The following OPCML variants were observed in gnomAD, a reference collection of about 807,000 sequenced individuals.
The protein encoded by OPCML is opioid binding protein/cell adhesion molecule like, also known as opioid-binding protein/cell adhesion molecule.
OPCML carries 13 observed loss-of-function variants against 37.8 expected under a neutral mutation model. The ratio of observed to expected loss-of-function variants is 0.34; its 90% confidence interval spans 0.22 to 0.55. The LOEUF (loss-of-function observed/expected upper bound fraction) is 0.55, where lower values mean the gene tolerates loss of function less well. Ranked by LOEUF, OPCML falls within the 20% of genes least tolerant of loss-of-function variation. The probability of loss-of-function intolerance (pLI) is 0.91; values close to 1 mark genes in which losing one functional copy is unlikely to be tolerated. For synonymous variants in OPCML, 176 were observed against 168.8 expected, an observed-to-expected ratio of 1.04 and a Z score of -0.33; for missense variants, 341 against 435.6, an observed-to-expected ratio of 0.78 and a Z score of 1.93.
intron 1 of OPCML, among the ~76,000 whole-genome samples, chr11:133,445,385 C>T (rs1451884982): frequency 1.3e-5 from 2 of 152,212 alleles, no homozygotes; most frequent in African/African-American, 4.8e-5. Context: ...GGCAGACCTG[C>T]TCTCTGCCAC....
chr11:132,499,103 TC>T (rs2096240284), intron 4 of OPCML, among the ~76,000 whole-genome samples: 2 of 152,276 alleles, frequency 1.3e-5, no homozygotes, highest in South Asian at 4.1e-4. Context: ...TCCGGGCTAG[TC>T]AGGTGGAGAA....
At chr11:132,886,131 A>G (rs1943405758) in intron 2 of OPCML, among the ~76,000 whole-genome samples, 1 of 152,254 alleles carries the variant, frequency 6.6e-6, no homozygotes, top group African/African-American at 2.4e-5. Flanking sequence ...AATTTACATA[A>G]CTAGTCCCAT....
In OPCML at chr11:132,657,159, C is replaced by T. The variant is rs1941749357; in HGVS notation, c.307G>A (p.Glu103Lys). Residue 103 changes from glutamate (E) to lysine (K), a missense_variant, in exon 3 of 8, where the codon GAA becomes AAA. Glu to Lys is a moderately conservative substitution (Grantham distance 56, BLOSUM62 1). Coordinates refer to ENST00000524381, the MANE Select transcript of OPCML (RefSeq NM_001012393.5). ...TGCACAGAGCAGGTGTACGGACCTT[C>T]GTCATACACATCCACATTTTGGATC... Reference protein sequence around the residue: ...IMIQNVDVYDEGPYTCSVQTD... With the variant: ...IMIQNVDVYDKGPYTCSVQTD... 2.5e-6 allele frequency: 4 copies of T among 1,614,082 alleles called. No homozygotes were observed. Among genetic ancestry groups the T allele is most frequent in the African/African-American group, 1.3e-5 (1 of 74,934 alleles).
intron 2 of OPCML, among the ~76,000 whole-genome samples, chr11:132,853,303 A>C (rs2136334917): frequency 6.6e-6 from 1 of 152,320 alleles, no homozygotes; most frequent in African/African-American, 2.4e-5. Flanking sequence ...GGTGTTATTA[A>C]TAAGTTTTAT....
intron 1 of OPCML, among the ~76,000 whole-genome samples, chr11:132,952,584 A>G (rs916693793): frequency 6.6e-6 from 1 of 152,134 alleles, no homozygotes; most frequent in Non-Finnish European, 1.5e-5. Context: ...CTTTTCTATC[A>G]CAGACCACAT....
chr11:132,555,552 T>A (rs1257113044), intron 3 of OPCML, among the ~76,000 whole-genome samples: 2 of 152,054 alleles, frequency 1.3e-5, no homozygotes, highest in Non-Finnish European at 2.9e-5. Flanking sequence ...TTGGGTGGGG[T>A]CATAGCCAAA....
chr11:133,183,630 T>G (rs1336940242), intron 1 of OPCML, among the ~76,000 whole-genome samples: 1 of 152,182 alleles, frequency 6.6e-6, no homozygotes, highest in African/African-American at 2.4e-5. Context: ...TTCGAGAGTG[T>G]ATTGTATGTG....
Position 133,375,160 on chromosome 11 carries a change from A to G in OPCML, c.61+157104T>C, listed in dbSNP as rs565223061. Among the ~76,000 whole-genome samples the G allele has an allele frequency of 1.1e-4, 16 of 152,302 alleles. No homozygotes were observed. In the East Asian group the frequency reaches 2.1e-3, roughly 20 times the overall value. ...TCCAGCTCAAAATTCTATTTTCCATAGAGTCTTCCTCTGAATTCTCATGAC... is the reference window on the plus strand; with the variant it reads ...TCCAGCTCAAAATTCTATTTTCCATGGAGTCTTCCTCTGAATTCTCATGAC... On this transcript the variant is annotated intron_variant, in intron 1 of 7. Coordinates refer to ENST00000524381, the MANE Select transcript of OPCML (RefSeq NM_001012393.5).
chr11:132,673,474 G>C (rs886799791), intron 2 of OPCML, among the ~76,000 whole-genome samples: 3 of 152,106 alleles, frequency 2.0e-5, no homozygotes, highest in African/African-American at 7.2e-5. Context: ...AAGAAGCCAA[G>C]CAATTGTTTT....
At chr11:132,925,672 G>A (rs1244329943) in intron 2 of OPCML, among the ~76,000 whole-genome samples, 6 of 152,152 alleles carry the variant, frequency 3.9e-5, no homozygotes, top group Non-Finnish European at 7.3e-5. Flanking sequence ...TAGTTTCTGG[G>A]TGGTTTCTGC....
At chr11:132,716,023 T>G (rs998280636) in intron 2 of OPCML, among the ~76,000 whole-genome samples, 2 of 152,238 alleles carry the variant, frequency 1.3e-5, no homozygotes, top group East Asian at 3.8e-4. Context: ...TTCAGAAATC[T>G]ATCAGCTAGA....
intron 1 of OPCML, among the ~76,000 whole-genome samples, chr11:133,141,613 T>C (rs1949824972): frequency 6.6e-6 from 1 of 152,112 alleles, no homozygotes; most frequent in Non-Finnish European, 1.5e-5. Context: ...CTCACCTTTC[T>C]CCTGCCTCCT....
chr11:133,485,235 C>T (rs1236693053), intron 1 of OPCML, among the ~76,000 whole-genome samples: 1 of 152,188 alleles, frequency 6.6e-6, no homozygotes, highest in East Asian at 1.9e-4. Flanking sequence ...CTTTGTTTTA[C>T]ACCAGCATTA....
intron 2 of OPCML, among the ~76,000 whole-genome samples, chr11:132,854,280 G>A (rs564402060): frequency 6.6e-6 from 1 of 152,216 alleles, no homozygotes; most frequent in South Asian, 2.1e-4. Context: ...TGGAGTTGGG[G>A]TGCACCATCC....
At chr11:132,932,480 T>C (rs968437991) in intron 2 of OPCML, among the ~76,000 whole-genome samples, 1 of 152,040 alleles carries the variant, frequency 6.6e-6, no homozygotes, top group African/African-American at 2.4e-5. Context: ...CGTTTCTCCC[T>C]CTTTTTATCC....
At chr11:133,431,453 T>G (rs1305085098) in intron 1 of OPCML, among the ~76,000 whole-genome samples, 1 of 143,506 alleles carries the variant, frequency 7.0e-6, no homozygotes, top group African/African-American at 3.0e-5. Context: ...TGTATGAATC[T>G]CAATGTTTTT....
rs1939064264 is a variant in OPCML, at chr11:133,206,426, A to G, written c.62-263416T>C. On this transcript the variant is annotated intron_variant, in intron 1 of 7. Coordinates refer to ENST00000524381, the MANE Select transcript of OPCML (RefSeq NM_001012393.5). This position sits in a 1 kb window ranked among gnomAD's most constrained non-coding sequence, Gnocchi z 4.7. ...CTCAGTTTCCTGAGCTATGAAATAT[A>G]AAAACTATATGATCAAAGGCCCTTT... Among the ~76,000 whole-genome samples the G allele has an allele frequency of 6.6e-6, 1 of 152,202 alleles. No individual in the cohort carries two copies. Among genetic ancestry groups the G allele is most frequent in the Admixed American group, 6.5e-5 (1 of 15,280 alleles).
intron 1 of OPCML, among the ~76,000 whole-genome samples, chr11:133,240,921 G>A (rs141284329): frequency 3.2e-3 from 485 of 152,232 alleles, no homozygotes; most frequent in Non-Finnish European, 4.9e-3. Context: ...ATATCCAGTC[G>A]GTCACTACCC....
At chr11:132,623,714 C>A (rs1023466645) in intron 3 of OPCML, among the ~76,000 whole-genome samples, 1 of 152,116 alleles carries the variant, frequency 6.6e-6, no homozygotes, top group African/African-American at 2.4e-5. Flanking sequence ...AGGTCTGATG[C>A]CCCTGGCACA....
Sources: allele counts gnomAD v4.1 joint callset (sites outside exome capture counted in the v4.1 genomes callset), GRCh38; gene constraint gnomAD v4.1.1; non-coding constraint Gnocchi (gnomAD v3.1); transcripts MANE v1.5; gene names NCBI Gene and HGNC (gene_info 2026-07-23, HGNC 2026-07-21).